The following MAGI2 variants were observed in gnomAD, a reference collection of about 807,000 sequenced individuals.
MAGI2 encodes the protein membrane associated guanylate kinase, WW and PDZ domain containing 2.
In MAGI2, 35 loss-of-function variants were observed where a neutral mutation model predicts 133.3. The observed-to-expected ratio is 0.26, with a 90% CI of 0.20 to 0.35. The LOEUF is 0.35. Ranked by LOEUF, MAGI2 falls within the 10% of genes least tolerant of loss-of-function variation. MAGI2 has a pLI of 1.00. For missense variants in MAGI2, 1,636 were observed against 1,863.4 expected (o/e 0.88, Z 2.25); for synonymous variants, 729 against 710.6 (o/e 1.03, Z -0.41).
In MAGI2 at chr7:78,127,059, C is replaced by T. The variant is rs1319160887; in HGVS notation, c.3423+138G>A. ...GTTTCTGAGGATGCAGGTGTTACCCCGATGTTACCAGAACTAGGAATAGAA... is the reference window on the plus strand; with the variant it reads ...GTTTCTGAGGATGCAGGTGTTACCCTGATGTTACCAGAACTAGGAATAGAA... On this transcript the variant is annotated intron_variant, in intron 19 of 21. Coordinates refer to ENST00000354212, the MANE Select transcript of MAGI2 (RefSeq NM_012301.4). 49 of 610,020 alleles carry T rather than the reference C, an allele frequency of 8.0e-5. No homozygotes were observed. The East Asian group carries it at 1.1e-3, about 14-fold the overall frequency. The allele number at this position is 610,020 out of a possible 1,614,324, so 37.8% of individuals were successfully genotyped here. A position where few individuals can be genotyped will look rare whatever the true frequency, so the allele number is the denominator to read the frequency against.
intron 1 of MAGI2, among the ~76,000 whole-genome samples, chr7:79,393,724 G>A (rs1844837705): frequency 6.6e-6 from 1 of 152,054 alleles, no homozygotes; most frequent in Admixed American, 6.6e-5. Context: ...CAATTTAATG[G>A]CACATTGTTA....
intron 1 of MAGI2, among the ~76,000 whole-genome samples, chr7:79,369,100 G>A (rs1842907105): frequency 6.6e-6 from 1 of 152,068 alleles, no homozygotes; most frequent in African/African-American, 2.4e-5. Flanking sequence ...AGAGCAAATG[G>A]AAACCATTTC....
chr7:78,836,849 G>A (rs965766593), intron 2 of MAGI2, among the ~76,000 whole-genome samples: 2 of 151,902 alleles, frequency 1.3e-5, no homozygotes, highest in Non-Finnish European at 2.9e-5. Flanking sequence ...AGCTTTTCTA[G>A]CTTATCACAA....
intron 9 of MAGI2, among the ~76,000 whole-genome samples, chr7:78,260,543 TAA>T (rs1793418316): frequency 6.6e-6 from 1 of 152,194 alleles, no homozygotes; most frequent in South Asian, 2.1e-4. Flanking sequence ...AAAATACTTA[TAA>T]TTTTATCAAA....
chr7:78,388,042 G>C (rs1795560032), intron 6 of MAGI2, among the ~76,000 whole-genome samples: 1 of 152,150 alleles, frequency 6.6e-6, no homozygotes, highest in African/African-American at 2.4e-5. Flanking sequence ...TAAACAGTAT[G>C]AAGTAAAAAT....
chr7:78,690,875 A>C (rs1414156412), intron 2 of MAGI2, among the ~76,000 whole-genome samples: 1 of 152,190 alleles, frequency 6.6e-6, no homozygotes, highest in Non-Finnish European at 1.5e-5. Context: ...ATGGTATCAG[A>C]ATTCCTTCCC....
chr7:78,300,624 C>T (rs1023702130), intron 9 of MAGI2, among the ~76,000 whole-genome samples: 2 of 152,100 alleles, frequency 1.3e-5, no homozygotes, highest in African/African-American at 2.4e-5. Context: ...AGTTGATATG[C>T]GTAAGTTAAT....
At chr7:79,377,387 A>G (rs1189334016) in intron 1 of MAGI2, among the ~76,000 whole-genome samples, 3 of 151,864 alleles carry the variant, frequency 2.0e-5, no homozygotes, top group African/African-American at 4.8e-5. Context: ...CCTAATGGCC[A>G]GAGAGTTAGA....
intron 8 of MAGI2, among the ~76,000 whole-genome samples, 168 bp downstream of exon 8, chr7:78,345,754 A>G (rs1790840510): frequency 6.6e-6 from 1 of 152,244 alleles, no homozygotes; most frequent in Non-Finnish European, 1.5e-5. Flanking sequence ...CGGTTGCTAA[A>G]GGCATTAGTT....
chr7:78,806,568 C>T (rs1788592539), intron 2 of MAGI2, among the ~76,000 whole-genome samples: 1 of 151,940 alleles, frequency 6.6e-6, no homozygotes, highest in Non-Finnish European at 1.5e-5. Flanking sequence ...AATTTTACTT[C>T]ATAAAATTTA....
chr7:78,151,701 G>A (rs1823889408), intron 16 of MAGI2, among the ~76,000 whole-genome samples: 1 of 152,196 alleles, frequency 6.6e-6, no homozygotes, highest in African/African-American at 2.4e-5. Flanking sequence ...CTCCGGTTCT[G>A]CTTTATTATC....
intron 6 of MAGI2, among the ~76,000 whole-genome samples, chr7:78,430,732 G>A (rs1799711994): frequency 6.6e-6 from 1 of 152,056 alleles, no homozygotes; most frequent in African/African-American, 2.4e-5. Context: ...TCTATTTCCT[G>A]AGATTCCCCC....
chr7:78,633,549 CA>C (rs1216862216), intron 2 of MAGI2, among the ~76,000 whole-genome samples: 3 of 151,432 alleles, frequency 2.0e-5, no homozygotes, highest in South Asian at 2.1e-4. Flanking sequence ...ACTAAAAATA[CA>C]AAAAAATTAG....
intron 1 of MAGI2, among the ~76,000 whole-genome samples, chr7:79,071,624 C>A (rs1324882889): frequency 2.5e-5 from 2 of 81,506 alleles, no homozygotes; most frequent in Middle Eastern, 7.9e-3. Flanking sequence ...GGGCTTCCTG[C>A]AATTTTTTTT....
At chr7:78,443,214 ATTGT>A (rs1787794797) in intron 6 of MAGI2, among the ~76,000 whole-genome samples, 1 of 152,148 alleles carries the variant, frequency 6.6e-6, no homozygotes, top group African/African-American at 2.4e-5. Context: ...AACATTTTTG[ATTGT>A]TTCAAAATCT....
chr7:79,063,979 C>T (rs559158630), intron 1 of MAGI2, among the ~76,000 whole-genome samples: 85 of 152,112 alleles, frequency 5.6e-4, no homozygotes, highest in African/African-American at 2.0e-3. Context: ...CATCAAACTT[C>T]GTGAACGTGT....
chr7:78,694,428 A>AG (rs942665719), intron 2 of MAGI2, among the ~76,000 whole-genome samples: 1 of 152,186 alleles, frequency 6.6e-6, no homozygotes, highest in African/African-American at 2.4e-5. Context: ...CCTAGAATTA[A>AG]GGATTTTCTT....
At chr7:78,612,512 C>A (rs1309954326) in intron 3 of MAGI2, among the ~76,000 whole-genome samples, 2 of 152,072 alleles carry the variant, frequency 1.3e-5, no homozygotes, top group East Asian at 3.9e-4. Context: ...AAATAAACCA[C>A]ATTGTTTTTC....
intron 1 of MAGI2, among the ~76,000 whole-genome samples, chr7:79,015,170 A>G (rs745379301): frequency 6.6e-6 from 1 of 152,226 alleles, no homozygotes; most frequent in African/African-American, 2.4e-5. Context: ...AAGCCAGGTC[A>G]GGCCAGCCAT....
Sources: gnomAD v4.1 joint callset for allele counts (sites outside exome capture counted in the v4.1 genomes callset) on GRCh38, gnomAD v4.1.1 for gene constraint, MANE v1.5 for transcripts, NCBI Gene and HGNC (gene_info 2026-07-23, HGNC 2026-07-21) for gene names.